The following VTI1A variants were observed in gnomAD, a reference collection of about 807,000 sequenced individuals.
VTI1A encodes vesicle transport through interaction with t-SNAREs homolog 1A.
In VTI1A, 22 loss-of-function variants were observed where a neutral mutation model predicts 34.9. The ratio of observed to expected loss-of-function variants is 0.63; its 90% CI spans 0.45 to 0.90. The LOEUF (loss-of-function observed/expected upper bound fraction) is 0.90. Ranked by LOEUF, VTI1A falls within the 40% of genes least tolerant of loss-of-function variation. The pLI is 0.00. For synonymous variants in VTI1A, 87 were observed against 97.3 expected (o/e 0.89, Z 0.62); for missense variants, 268 against 275.6 (o/e 0.97, Z 0.20).
intron 7 of VTI1A, among the ~76,000 whole-genome samples, chr10:112,681,156 A>G (rs973566107): frequency 6.6e-6 from 1 of 151,290 alleles, no homozygotes; most frequent in African/African-American, 2.4e-5. Flanking sequence ...GCTCACTGCA[A>G]CCTCAACTTT....
intron 5 of VTI1A, among the ~76,000 whole-genome samples, chr10:112,620,360 G>T (rs1173100076): frequency 1.3e-5 from 2 of 152,166 alleles, no homozygotes; most frequent in Non-Finnish European, 2.9e-5. Context: ...GGAAAGAATG[G>T]CTCTGGGAAA....
chr10:112,840,153 C>G, the VTI1A span, among the ~76,000 whole-genome samples: 1 of 152,124 alleles, frequency 6.6e-6, no homozygotes, highest in African/African-American at 2.4e-5. Flanking sequence ...TGACGGGAAG[C>G]CAGGCTGCTA....
chr10:112,607,180 G>A (rs1398921501), intron 5 of VTI1A, among the ~76,000 whole-genome samples: 1 of 151,966 alleles, frequency 6.6e-6, no homozygotes, highest in Non-Finnish European at 1.5e-5. Flanking sequence ...CCAACTACTT[G>A]GGAGGCTGAG....
chr10:112,736,593 G>A (rs967748454), intron 7 of VTI1A: 3 of 1,410,274 alleles, frequency 2.1e-6, no homozygotes, highest in African/African-American at 2.9e-5. Flanking sequence ...TCTGAAAGTG[G>A]CTCCTCTGAT....
chr10:112,468,129 A>G (rs1847961121), intron 3 of VTI1A, among the ~76,000 whole-genome samples: 1 of 152,214 alleles, frequency 6.6e-6, no homozygotes, highest in Non-Finnish European at 1.5e-5. Flanking sequence ...CAGAGAAAGC[A>G]GAGGAAAGAT....
chr10:112,504,015 ACT>A (rs1335742987), intron 3 of VTI1A, among the ~76,000 whole-genome samples: 9 of 152,088 alleles, frequency 5.9e-5, no homozygotes, highest in Non-Finnish European at 1.3e-4. Flanking sequence ...AAAAGATCTC[ACT>A]GTTTTGGAAC....
intron 5 of VTI1A, among the ~76,000 whole-genome samples, chr10:112,576,682 CGAA>C (rs539103051): frequency 9.2e-5 from 14 of 152,062 alleles, no homozygotes; most frequent in Non-Finnish European, 1.9e-4. Context: ...CCTAATCAGA[CGAA>C]GATTAAAAAT....
chr10:112,510,265 A>G (rs1849560681), intron 3 of VTI1A, among the ~76,000 whole-genome samples: 1 of 152,200 alleles, frequency 6.6e-6, no homozygotes, highest in African/African-American at 2.4e-5. Flanking sequence ...GCATTTTTGT[A>G]TAAACATCAA....
At chr10:112,759,477 T>C (rs1167611535) in intron 7 of VTI1A, among the ~76,000 whole-genome samples, 1 of 152,062 alleles carries the variant, frequency 6.6e-6, no homozygotes, top group Non-Finnish European at 1.5e-5. Context: ...GCGTATAGAG[T>C]TCGTTCACAT....
At chr10:112,472,122 C>T (rs571746054) in intron 3 of VTI1A, among the ~76,000 whole-genome samples, 2 of 152,272 alleles carry the variant, frequency 1.3e-5, no homozygotes, top group South Asian at 2.1e-4. Flanking sequence ...AGCTGAACTT[C>T]CTTTAAGACA....
At chr10:112,785,515 A>T (rs12412022) in intron 7 of VTI1A, among the ~76,000 whole-genome samples, 37,715 of 152,180 alleles carry the variant, frequency 0.25, 5,463 homozygotes, top group Middle Eastern at 0.35. Context: ...TAATTTTGAT[A>T]AAAATTTATC....
chr10:112,458,200 C>T (rs1159371946), intron 1 of VTI1A, among the ~76,000 whole-genome samples: 6 of 152,156 alleles, frequency 3.9e-5, no homozygotes, highest in Admixed American at 6.5e-5. Flanking sequence ...TGGAGGTCCA[C>T]GGCATGGACT....
chr10:112,809,767 T>C (rs1460792435), intron 7 of VTI1A, among the ~76,000 whole-genome samples: 3 of 152,184 alleles, frequency 2.0e-5, no homozygotes, highest in Non-Finnish European at 4.4e-5. Flanking sequence ...AAGCTGTGTG[T>C]TAGGCATCAG....
At chr10:112,836,233 G>T in the VTI1A span, among the ~76,000 whole-genome samples, 1 of 152,160 alleles carries the variant, frequency 6.6e-6, no homozygotes, top group Non-Finnish European at 1.5e-5. Context: ...GTGCTGGGGG[G>T]TGCAAGTTAT....
chr10:112,781,947 G>T lies in VTI1A; in HGVS notation c.561-33343G>T, dbSNP rs969915198. Among the ~76,000 whole-genome samples the T allele has an allele frequency of 2.0e-5, 3 of 152,104 alleles. No individual in the cohort carries two copies. The South Asian group carries it at 6.2e-4, about 32-fold the overall frequency. ...CTCCTCCTCCATTTATCTGCTACAG[G>T]TATTACCCCCAGGAAACCTCTTGCA... On this transcript the variant is annotated intron_variant, in intron 7 of 7. Coordinates refer to ENST00000393077, the MANE Select transcript of VTI1A (RefSeq NM_145206.4).
chr10:112,751,026 G>T (rs75010809), intron 7 of VTI1A, among the ~76,000 whole-genome samples: 1 of 152,132 alleles, frequency 6.6e-6, no homozygotes, highest in Non-Finnish European at 1.5e-5. Flanking sequence ...GTGAGTGTAT[G>T]AATGTGTGTT....
At chr10:112,562,090 A>G (rs900933320) in intron 5 of VTI1A, among the ~76,000 whole-genome samples, 1 of 152,200 alleles carries the variant, frequency 6.6e-6, no homozygotes, top group African/African-American at 2.4e-5. Flanking sequence ...AAATAAAATA[A>G]TGGCAAATGC....
chr10:112,621,831 A>G (rs1365211912), intron 5 of VTI1A, among the ~76,000 whole-genome samples: 2 of 152,150 alleles, frequency 1.3e-5, no homozygotes, highest in Non-Finnish European at 2.9e-5. Flanking sequence ...CCCTGGGAAC[A>G]TTATGCTTTT....
intron 5 of VTI1A, among the ~76,000 whole-genome samples, chr10:112,602,285 G>A (rs747033033): frequency 2.0e-5 from 3 of 152,136 alleles, no homozygotes; most frequent in Admixed American, 6.5e-5. Flanking sequence ...TTTATTGAGC[G>A]AATGAAAAAA....
Sources: allele counts gnomAD v4.1 joint callset (sites outside exome capture counted in the v4.1 genomes callset), GRCh38; gene constraint gnomAD v4.1.1; transcripts MANE v1.5; gene names NCBI Gene and HGNC (gene_info 2026-07-23, HGNC 2026-07-21).